Variants in UNC13B observed in about 807,000 individuals in gnomAD.
UNC13B encodes the protein protein unc-13 homolog B.
In UNC13B, 144 loss-of-function variants were observed where a neutral mutation model predicts 211.0. That is an observed-to-expected ratio of 0.68 (90% CI 0.60 to 0.78). The LOEUF (loss-of-function observed/expected upper bound fraction) is 0.78. Among genes scored for constraint, UNC13B ranks in the 30% least tolerant of loss-of-function variants. The probability of loss-of-function intolerance (pLI) is 0.00; values close to 1 mark genes in which losing one functional copy is unlikely to be tolerated. For missense variants in UNC13B, 1,777 were observed against 2,002.0 expected (o/e 0.89, Z 2.14); for synonymous variants, 709 against 725.8 (o/e 0.98, Z 0.37).
intron 11 of UNC13B, among the ~76,000 whole-genome samples, chr9:35,329,617 A>G (rs1020560229): frequency 1.8e-4 from 28 of 151,722 alleles, no homozygotes; most frequent in Non-Finnish European, 3.8e-4. Context: ...CCTCCCTAGT[A>G]GCTGGGACCA....
intron 10 of UNC13B, among the ~76,000 whole-genome samples, chr9:35,313,454 G>A (rs1397263354): frequency 6.6e-6 from 1 of 151,762 alleles, no homozygotes; most frequent in African/African-American, 2.4e-5. Context: ...GCGAAACATC[G>A]TCTCTACAAA....
intron 6 of UNC13B, 78 bp from the exon 7 acceptor site, chr9:35,258,915 T>G: frequency 7.0e-7 from 1 of 1,430,740 alleles, no homozygotes; most frequent in Non-Finnish European, 9.6e-7. Context: ...TTTTTATAGG[T>G]AGTTGTGATT....
chr9:35,323,299 G>T (rs767617660), intron 11 of UNC13B, among the ~76,000 whole-genome samples: 1 of 151,932 alleles, frequency 6.6e-6, no homozygotes, highest in South Asian at 2.1e-4. Flanking sequence ...TATAAATAGG[G>T]CTACTGCTTT....
rs1026017373 is a variant in UNC13B at position 35,306,401 on chromosome 9, C to T, written c.6997C>T (p.Pro2333Ser). ...GAATGAATTGCAAAAAGACATTATTCCTCCTTCACCAGAATTTCAGGCACA... is the reference window on the plus strand; with the variant it reads ...GAATGAATTGCAAAAAGACATTATTTCTCCTTCACCAGAATTTCAGGCACA... ...QMNELQKDII[P>S]PSPEFQAQAE... Residue 2333 changes from proline to serine, a missense_variant, in exon 9 of 40, where the codon CCT becomes TCT. By Grantham distance (74) the Pro-to-Ser change is moderately conservative. Transcript: ENST00000635942. The T allele has an allele frequency of 1.8e-5, 7 of 398,878 alleles. No individual in the cohort carries two copies. Among genetic ancestry groups the T allele is most frequent in the African/African-American group, 1.4e-4 (7 of 48,602 alleles). 24.7% of individuals were successfully genotyped at this position (398,878 alleles called of 1,614,324 possible). A position where few individuals can be genotyped will look rare whatever the true frequency, so the allele number is the denominator to read the frequency against.
In UNC13B at chr9:35,303,861, G is replaced by A. The variant is rs1239946126; in HGVS notation, c.4457G>A (p.Cys1486Tyr). Residue 1486 changes from cysteine to tyrosine, a missense_variant, in exon 9 of 40, where the codon TGC becomes TAC. Physicochemically the swap from Cys to Tyr is radical, Grantham distance 194. Coordinates refer to ENST00000635942, the MANE Select transcript of UNC13B (RefSeq NM_001371189.2). ...TCATCAGATCATGAAAAGACTACAT[G>A]CCCCGTAGTTGATCAAGAATCATTA... ...SSSSDHEKTT[C>Y]PVVDQESLRM... is the part of the protein sequence containing the mutation. 2.5e-6 allele frequency: 1 copy of A among 398,572 alleles called. No individual in the cohort carries two copies. The highest frequency in any genetic ancestry group is 4.4e-6 in the Non-Finnish European group (1 of 225,846). The allele number at this position is 398,572 out of a possible 1,614,324, so 24.7% of individuals were successfully genotyped here.
intron 6 of UNC13B, among the ~76,000 whole-genome samples, chr9:35,255,098 T>C (rs546572222): frequency 7.7e-6 from 1 of 129,608 alleles, no homozygotes; most frequent in Non-Finnish European, 1.6e-5. Flanking sequence ...ATATATATTA[T>C]ATATATTTTT....
At position 35,377,593 on chromosome 9, in the gene UNC13B, G is replaced by A. The variant is rs1208573152; in HGVS notation, c.9961G>A (p.Val3321Ile). Reference sequence around the variant, plus strand: ...AGAGATCTTTGAAGTTATCCGGGACGTCTTCACAGTGAACAAAGCTGCCCA... The same window carrying A: ...AGAGATCTTTGAAGTTATCCGGGACATCTTCACAGTGAACAAAGCTGCCCA... ...KPEIFEVIRDVFTVNKAAHVQ... is the reference protein window; with the variant it reads ...KPEIFEVIRDIFTVNKAAHVQ... Residue 3321 changes from valine (V) to isoleucine (I), a missense_variant, in exon 16 of 40, where the codon GTC becomes ATC. Val to Ile is a conservative substitution (Grantham distance 29). Coordinates refer to ENST00000635942, the MANE Select transcript of UNC13B (RefSeq NM_001371189.2). The A allele has an allele frequency of 6.2e-6, 10 of 1,614,116 alleles. No homozygotes were observed. Among genetic ancestry groups the A allele is most frequent in the African/African-American group, 5.3e-5 (4 of 74,944 alleles).
In UNC13B at chr9:35,380,338, C is replaced by T. The variant is rs534478961; in HGVS notation, c.10206-132C>T. Reference sequence around the variant, plus strand: ...GCCCAACTTTCTTGGAACTTTTGTACTGCTGTCCTCTGACTTCTCCTCTTT... The same window carrying T: ...GCCCAACTTTCTTGGAACTTTTGTATTGCTGTCCTCTGACTTCTCCTCTTT... On this transcript the variant is annotated intron_variant, in intron 17 of 39. Coordinates refer to ENST00000635942, the MANE Select transcript of UNC13B (RefSeq NM_001371189.2). The T allele has an allele frequency of 4.1e-6, 4 of 965,466 alleles. No individual in the cohort carries two copies. In the South Asian group the frequency reaches 6.9e-5, roughly 17 times the overall value. 59.8% of individuals were successfully genotyped at this position (965,466 alleles called of 1,614,324 possible). A position where few individuals can be genotyped will look rare whatever the true frequency, so the allele number is the denominator to read the frequency against.
intron 10 of UNC13B, among the ~76,000 whole-genome samples, chr9:35,312,485 G>A (rs181428836): frequency 1.8e-4 from 28 of 152,298 alleles, no homozygotes; most frequent in Non-Finnish European, 5.9e-5. Context: ...GGCAGTCACT[G>A]TTATCAGGGC....
intron 15 of UNC13B, among the ~76,000 whole-genome samples, chr9:35,377,186 G>T (rs1457268920): frequency 6.6e-6 from 1 of 152,222 alleles, no homozygotes; most frequent in South Asian, 2.1e-4. Context: ...GGTGCCAATG[G>T]CAAGGCTAGG....
At chr9:35,275,543 A>G (rs1168757752) in intron 7 of UNC13B, among the ~76,000 whole-genome samples, 1 of 152,154 alleles carries the variant, frequency 6.6e-6, no homozygotes, top group Non-Finnish European at 1.5e-5. Flanking sequence ...AGGTATATAC[A>G]TTAGAGAGAT....
Position 35,302,953 on chromosome 9 carries a change from C to T in UNC13B, c.3549C>T (p.Ile1183=), listed in dbSNP as rs10972428. ...ACAAGAATAATACCCCAGGTTTAAT[C>T]TCTGGAATATTTAACCTGCTATCAA... ...SHHKNNTPGL[I]SGIFNLLSNS... is the part of the protein sequence containing the mutation. The change falls in exon 9 of 40, where the codon ATC becomes ATT. Residue 1183 remains isoleucine, a synonymous_variant. Transcript: ENST00000635942. The T allele has an allele frequency of 0.21, 84,557 of 398,404 alleles. 9,375 individuals are homozygous for T. The highest frequency in any genetic ancestry group is 0.24 in the Non-Finnish European group (54,417 of 225,694). The allele number at this position is 398,404 out of a possible 1,614,324, so 24.7% of individuals were successfully genotyped here.
chr9:35,352,855 G>C, intron 11 of UNC13B: 1 of 1,232,146 alleles, frequency 8.1e-7, no homozygotes, highest in Non-Finnish European at 1.0e-6. Flanking sequence ...GGAAGTCCCA[G>C]TTTTTCAAAC....
intron 11 of UNC13B, among the ~76,000 whole-genome samples, chr9:35,363,015 A>G (rs545821298): frequency 6.6e-6 from 1 of 152,248 alleles, no homozygotes; most frequent in African/African-American, 2.4e-5. Context: ...CCTCTATGGA[A>G]AGGAGGTGTG....
At chr9:35,317,717 A>G (rs1392206606) in intron 11 of UNC13B, among the ~76,000 whole-genome samples, 3 of 120,468 alleles carry the variant, frequency 2.5e-5, no homozygotes, top group East Asian at 2.4e-4. Flanking sequence ...TTTAATTTTT[A>G]GTAGAGATGG....
At chr9:35,400,233 A>C in intron 36 of UNC13B, 63 bp from the exon 37 acceptor site, 1 of 1,585,182 alleles carries the variant, frequency 6.3e-7, no homozygotes, top group Non-Finnish European at 8.6e-7. Flanking sequence ...CTCTGAGGAC[A>C]ATGTTGGGGA....
chr9:35,318,456 T>G (rs1403028135), intron 11 of UNC13B, among the ~76,000 whole-genome samples: 1 of 152,200 alleles, frequency 6.6e-6, no homozygotes, highest in Non-Finnish European at 1.5e-5. Flanking sequence ...AGTTTCCTAT[T>G]TATCGTTCTA....
chr9:35,389,732 T>A (rs1188942416), intron 24 of UNC13B, 114 bp from the exon 25 acceptor site: 2 of 1,166,464 alleles, frequency 1.7e-6, no homozygotes, highest in East Asian at 4.8e-5. Context: ...GAAAGGTCCT[T>A]GATTCTAGAG....
At chr9:35,167,638 A>G (rs1587273359) in intron 1 of UNC13B, among the ~76,000 whole-genome samples, 1 of 127,026 alleles carries the variant, frequency 7.9e-6, no homozygotes, top group Non-Finnish European at 1.6e-5. Context: ...CTCAGGCTGG[A>G]GTGCAGTGGC....
Sources: gnomAD v4.1 joint callset for allele counts (sites outside exome capture counted in the v4.1 genomes callset) on GRCh38, gnomAD v4.1.1 for gene constraint, MANE v1.5 for transcripts, NCBI Gene and HGNC (gene_info 2026-07-23, HGNC 2026-07-21) for gene names.